The following ARID1B variants were observed in gnomAD, a reference collection of about 807,000 sequenced individuals.
ARID1B encodes the protein AT-rich interactive domain-containing protein 1B.
In ARID1B, 30 loss-of-function variants were observed where a neutral mutation model predicts 212.3. The ratio of observed to expected loss-of-function variants is 0.14; its 90% CI spans 0.11 to 0.19. The LOEUF (loss-of-function observed/expected upper bound fraction) is 0.19, where lower values mean the gene tolerates loss of function less well. ARID1B is among the 10% of genes least tolerant of loss of function. The probability of loss-of-function intolerance (pLI) is 1.00; values close to 1 mark genes in which losing one functional copy is unlikely to be tolerated. For synonymous variants in ARID1B, 1,402 were observed against 1,301.7 expected (o/e 1.08, Z -1.66); for missense variants, 2,891 against 3,204.0 (o/e 0.90, Z 2.36).
rs1554255156 is a variant in ARID1B at position 156,818,124 on chromosome 6, T to TTA, written c.1792-11103_1792-11102insTA. On this transcript the variant is annotated intron_variant, in intron 1 of 19. Coordinates refer to ENST00000636930, the MANE Select transcript of ARID1B (RefSeq NM_001374828.1). ...TTTTTTTTTTTTTTTTTTTTTTTTT[T>TTA]AGAATATAAGATTTGACCATATATT... 1.1e-4 allele frequency among the ~76,000 whole-genome samples: 15 copies of TTA among 133,438 alleles called. 1 individual carries two copies. The highest frequency in any genetic ancestry group is 2.7e-4 in the South Asian group (1 of 3,706). The allele number at this position is 133,438 out of a possible 152,430, so 87.5% of individuals were successfully genotyped here.
At chr6:156,869,145 T>C (rs574769478) in intron 2 of ARID1B, among the ~76,000 whole-genome samples, 1 of 152,366 alleles carries the variant, frequency 6.6e-6, no homozygotes, top group South Asian at 2.1e-4. Context: ...TCTGTATATT[T>C]CTTCAAAGGA....
intron 8 of ARID1B, chr6:157,166,646 T>G (rs1791345614): frequency 6.4e-6 from 1 of 155,626 alleles, no homozygotes; most frequent in African/African-American, 2.4e-5. Context: ...TGTTTTTCAT[T>G]TCTTAACCTT....
At chr6:156,851,757 C>T (rs574121542) in intron 2 of ARID1B, among the ~76,000 whole-genome samples, 1 of 152,320 alleles carries the variant, frequency 6.6e-6, no homozygotes, top group Non-Finnish European at 1.5e-5. Context: ...GAGTGCTTCA[C>T]GTAGAAGACT....
At chr6:156,798,483 C>T (rs1292400996) in intron 1 of ARID1B, among the ~76,000 whole-genome samples, 1 of 152,280 alleles carries the variant, frequency 6.6e-6, no homozygotes, top group Non-Finnish European at 1.5e-5. Flanking sequence ...GGCCATGTTA[C>T]ATGATGGTAC....
intron 2 of ARID1B, chr6:156,869,996 G>C (rs1785994291): frequency 6.6e-6 from 1 of 150,536 alleles, no homozygotes; most frequent in South Asian, 2.1e-4. Context: ...ACACACCAGG[G>C]AGCAGTGGCT....
At chr6:157,037,099 C>T (rs1781381676) in intron 4 of ARID1B, among the ~76,000 whole-genome samples, 1 of 152,108 alleles carries the variant, frequency 6.6e-6, no homozygotes, top group African/African-American at 2.4e-5. Flanking sequence ...TACAGGAAAA[C>T]AAGAGTTTCG....
intron 4 of ARID1B, among the ~76,000 whole-genome samples, chr6:156,983,507 C>T (rs1037766422): frequency 7.2e-5 from 11 of 152,160 alleles, no homozygotes; most frequent in African/African-American, 2.7e-4. Context: ...AGCTTTTTCA[C>T]TGGGGACTTC....
At chr6:157,074,445 G>A (rs749036099) in intron 4 of ARID1B, among the ~76,000 whole-genome samples, 3 of 152,050 alleles carry the variant, frequency 2.0e-5, no homozygotes, top group South Asian at 2.1e-4. Context: ...GGCTGATCTC[G>A]AACTCCCGAG....
intron 8 of ARID1B, among the ~76,000 whole-genome samples, chr6:157,164,912 G>A (rs2128285696): frequency 6.6e-6 from 1 of 152,314 alleles, no homozygotes; most frequent in South Asian, 2.1e-4. Flanking sequence ...CATGGAAGTA[G>A]CCTTCCAGAA....
At chr6:157,158,947 C>T (rs563301938) in intron 8 of ARID1B, among the ~76,000 whole-genome samples, 1 of 152,130 alleles carries the variant, frequency 6.6e-6, no homozygotes, top group Admixed American at 6.5e-5. Flanking sequence ...CTGTATGGAT[C>T]TAGCTTCACC....
chr6:157,011,896 C>G (rs1021619403), intron 4 of ARID1B, among the ~76,000 whole-genome samples: 7 of 152,118 alleles, frequency 4.6e-5, no homozygotes, highest in African/African-American at 1.7e-4. Flanking sequence ...AATAAGAAAT[C>G]TATGCCTAGA....
intron 4 of ARID1B, among the ~76,000 whole-genome samples, chr6:157,003,371 T>C (rs1434813787): frequency 6.6e-6 from 1 of 152,170 alleles, no homozygotes; most frequent in Non-Finnish European, 1.5e-5. Context: ...TACCTCGTAC[T>C]GTACATCCCG....
intron 5 of ARID1B, among the ~76,000 whole-genome samples, chr6:157,087,564 A>G (rs900988832): frequency 9.8e-5 from 15 of 152,338 alleles, no homozygotes; most frequent in African/African-American, 3.6e-4. Context: ...TACGTTCACC[A>G]TTATGGATAT....
intron 7 of ARID1B, among the ~76,000 whole-genome samples, chr6:157,133,715 C>T (rs183020070): frequency 1.3e-5 from 2 of 152,328 alleles, no homozygotes; most frequent in South Asian, 2.1e-4. Context: ...CAGTCAACCC[C>T]AGTGTGACTC....
At chr6:156,995,780 G>A (rs1171594038) in intron 4 of ARID1B, among the ~76,000 whole-genome samples, 1 of 152,208 alleles carries the variant, frequency 6.6e-6, no homozygotes, top group Non-Finnish European at 1.5e-5. Flanking sequence ...TGATGTGGAA[G>A]TAGAATTACC....
At chr6:156,811,007 A>G (rs1166116991) in intron 1 of ARID1B, among the ~76,000 whole-genome samples, 1 of 152,088 alleles carries the variant, frequency 6.6e-6, no homozygotes, top group Non-Finnish European at 1.5e-5. Context: ...GCCGGGCTGC[A>G]TTCTCATCTA....
chr6:157,132,186 A>G (rs904930586), intron 6 of ARID1B, among the ~76,000 whole-genome samples: 3 of 152,214 alleles, frequency 2.0e-5, no homozygotes, highest in Non-Finnish European at 2.9e-5. Context: ...AGTAGAAATA[A>G]GGAAGAAGTA....
intron 8 of ARID1B, among the ~76,000 whole-genome samples, chr6:157,157,203 A>G (rs1790635453): frequency 6.6e-6 from 1 of 151,992 alleles, no homozygotes; most frequent in Admixed American, 6.5e-5. Context: ...ACCACTGTCT[A>G]TGCCACCTGT....
At chr6:156,988,884 T>C (rs909675748) in intron 4 of ARID1B, among the ~76,000 whole-genome samples, 30 of 152,244 alleles carry the variant, frequency 2.0e-4, no homozygotes, top group African/African-American at 6.3e-4. Context: ...CCAGTATTCA[T>C]GACAGTTGCA....
Sources: allele counts gnomAD v4.1 joint callset (sites outside exome capture counted in the v4.1 genomes callset), GRCh38; gene constraint gnomAD v4.1.1; transcripts MANE v1.5; gene names NCBI Gene and HGNC (gene_info 2026-07-23, HGNC 2026-07-21).